The following CRNKL1 variants were observed in gnomAD, a reference collection of about 807,000 sequenced individuals.
CRNKL1 encodes the protein crooked neck pre-mRNA splicing factor 1.
In CRNKL1, 35 loss-of-function variants were observed where a neutral mutation model predicts 103.7. The observed-to-expected ratio is 0.34, with a 90% CI of 0.26 to 0.45. CRNKL1 has a LOEUF of 0.45. CRNKL1 is among the 20% of genes least tolerant of loss of function. The pLI is 1.00. For missense variants in CRNKL1, 645 were observed against 836.0 expected (o/e 0.77, Z 2.82); for synonymous variants, 267 against 282.6 (o/e 0.94, Z 0.55).
chr20:20,047,574 T>C (rs1258562905), intron 5 of CRNKL1, among the ~76,000 whole-genome samples, 191 bp downstream of exon 5: 1 of 151,984 alleles, frequency 6.6e-6, no homozygotes, highest in Non-Finnish European at 1.5e-5. Context: ...AAAAGACTAG[T>C]TACCCAGAAT....
chr20:20,038,067 C>G (rs2043450411), intron 12 of CRNKL1, among the ~76,000 whole-genome samples: 1 of 150,046 alleles, frequency 6.7e-6, no homozygotes, highest in Non-Finnish European at 1.5e-5. Flanking sequence ...AGCCTAGAGA[C>G]ACAGCAAGAC....
upstream of CRNKL1, chr20:20,052,491 G>T (rs767166892): frequency 8.7e-6 from 14 of 1,614,228 alleles, no homozygotes; most frequent in Non-Finnish European, 1.2e-5. Context: ...TTGACCTCTC[G>T]CTTGAGCCGT....
intron 12 of CRNKL1, among the ~76,000 whole-genome samples, 193 bp downstream of exon 12, chr20:20,038,156 A>G (rs917907362): frequency 4.6e-5 from 7 of 151,924 alleles, no homozygotes; most frequent in South Asian, 2.1e-4. Context: ...CAGCATAAAC[A>G]ATGACCTGGT....
At chr20:20,052,065 C>G (rs963311136) in intron 1 of CRNKL1, among the ~76,000 whole-genome samples, 1 of 152,158 alleles carries the variant, frequency 6.6e-6, no homozygotes, top group African/African-American at 2.4e-5. Flanking sequence ...CCGAACCACC[C>G]CACTCCACTC....
Position 20,041,592 on chromosome 20 carries a change from A to T in CRNKL1, c.1198T>A (p.Ser400Thr). Residue 400 changes from serine to threonine, a missense_variant, in exon 9 of 14, where the codon TCT becomes ACT. By Grantham distance (58) the Ser-to-Thr change is moderately conservative. Transcript: ENST00000536226. The part of the protein sequence containing the change: ...PERTRQVYQA[S>T]LELIPHKKFT... ...TTTTTGTGAGGAATTAGTTCCAAAG[A>T]GGCTTGATACACCTGTCTTGTCCTC... 1 of 1,613,764 alleles carries T rather than the reference A, an allele frequency of 6.2e-7. No homozygotes were observed. Among genetic ancestry groups the T allele is most frequent in the Non-Finnish European group, 8.5e-7 (1 of 1,179,696 alleles).
intron 8 of CRNKL1, 151 bp downstream of exon 8, chr20:20,042,174 C>A: frequency 1.6e-6 from 1 of 615,060 alleles, no homozygotes; most frequent in Admixed American, 3.8e-5. Flanking sequence ...TGTTGCAGAG[C>A]GAATATATAA....
At chr20:20,039,108 T>G (rs985000502) in intron 11 of CRNKL1, among the ~76,000 whole-genome samples, 1 of 152,222 alleles carries the variant, frequency 6.6e-6, no homozygotes, top group African/African-American at 2.4e-5. Flanking sequence ...CTACGACTCA[T>G]GTGAGATTCA....
chr20:20,043,752 T>A, intron 6 of CRNKL1, 90 bp from the exon 7 acceptor site: 2 of 1,280,360 alleles, frequency 1.6e-6, no homozygotes. Flanking sequence ...ATATTACTTA[T>A]AAGTTAGATT....
In CRNKL1 at chr20:20,034,370, A is replaced by AAAC. The variant is rs1555819286; in HGVS notation, c.*1822_*1824dup. 45 of 152,300 alleles carry AAAC rather than the reference A, an allele frequency of 3.0e-4. No individual in the cohort carries two copies. The highest frequency in any genetic ancestry group is 7.5e-4 in the African/African-American group (31 of 41,554). The allele number at this position is 152,300 out of a possible 1,614,324, so 9.4% of individuals were successfully genotyped here. A position where few individuals can be genotyped will look rare whatever the true frequency, so the allele number is the denominator to read the frequency against. ...AAAGAAAAACCCACAAGAAATTATT[A>AAAC]AACTTTTACTATCGAAAGGATTTAC... is the stretch of plus-strand genomic sequence containing the variant. On this transcript the variant is annotated 3_prime_UTR_variant, in exon 14 of 14. Transcript: ENST00000536226.
At chr20:20,042,930 TACC>T (rs770260510) in intron 7 of CRNKL1, among the ~76,000 whole-genome samples, 2 of 152,374 alleles carry the variant, frequency 1.3e-5, no homozygotes, top group East Asian at 1.9e-4. Flanking sequence ...CTTGCTAACC[TACC>T]ACCACATTTA....
At chr20:20,037,664 C>G in intron 12 of CRNKL1, 93 bp from the exon 13 acceptor site, 1 of 1,239,030 alleles carries the variant, frequency 8.1e-7, no homozygotes, top group Non-Finnish European at 1.1e-6. Context: ...TTAATGACAT[C>G]GGAAAGTAAT....
chr20:20,037,804 C>T (rs1456742141), intron 12 of CRNKL1, among the ~76,000 whole-genome samples: 4 of 152,126 alleles, frequency 2.6e-5, no homozygotes, highest in Non-Finnish European at 5.9e-5. Context: ...AAGAGTTTAA[C>T]TTGGCTGGGT....
intron 12 of CRNKL1, among the ~76,000 whole-genome samples, chr20:20,037,871 G>A (rs1014141659): frequency 2.0e-5 from 3 of 152,068 alleles, no homozygotes; most frequent in South Asian, 2.1e-4. Flanking sequence ...GGCAGATCAC[G>A]AGGTCAAGAG....
At chr20:20,051,256 A>C (rs898667975) in intron 1 of CRNKL1, among the ~76,000 whole-genome samples, 1 of 152,230 alleles carries the variant, frequency 6.6e-6, no homozygotes, top group African/African-American at 2.4e-5. Flanking sequence ...AAAAAGAATA[A>C]ACTACCTCAT....
intron 6 of CRNKL1, 51 bp from the exon 7 acceptor site, chr20:20,043,713 G>T: frequency 6.5e-7 from 1 of 1,529,804 alleles, no homozygotes; most frequent in Non-Finnish European, 9.0e-7. Flanking sequence ...TCTCATGCCA[G>T]TCACAACTAG....
Position 20,043,482 on chromosome 20 carries a change from C to T in CRNKL1, c.972+10G>A. On this transcript the variant is annotated intron_variant, in intron 7 of 13. Transcript: ENST00000536226. ...TATCTGCAGAGTTGACCATCCACAC[C>T]AGTGCTCACCTTCACTTCTTCTTCG... 6.2e-7 allele frequency: 1 copy of T among 1,611,540 alleles called. No individual in the cohort carries two copies. Among genetic ancestry groups the T allele is most frequent in the Non-Finnish European group, 8.5e-7 (1 of 1,177,810 alleles).
upstream of CRNKL1, among the ~76,000 whole-genome samples, chr20:20,053,968 G>A (rs1174356126): frequency 3.2e-5 from 4 of 125,780 alleles, no homozygotes; most frequent in Non-Finnish European, 6.8e-5. Flanking sequence ...TTACATTTCT[G>A]TTGTCTGGCA....
chr20:20,054,778 T>A (rs180785976), upstream of CRNKL1, among the ~76,000 whole-genome samples: 1 of 152,274 alleles, frequency 6.6e-6, no homozygotes, highest in Non-Finnish European at 1.5e-5. Context: ...ATAGACAGTC[T>A]GTCTTTTGTC....
At chr20:20,041,477 T>A in intron 9 of CRNKL1, 89 bp downstream of exon 9, 1 of 1,045,032 alleles carries the variant, frequency 9.6e-7, no homozygotes, top group South Asian at 1.3e-5. Flanking sequence ...AAGCATTTTA[T>A]CAATCAATAT....
Sources: allele counts gnomAD v4.1 joint callset (sites outside exome capture counted in the v4.1 genomes callset), GRCh38; gene constraint gnomAD v4.1.1; transcripts MANE v1.5; gene names NCBI Gene and HGNC (gene_info 2026-07-23, HGNC 2026-07-21).